TMEM63C: variants seen among roughly 807,000 people sequenced by gnomAD.
The protein encoded by TMEM63C is transmembrane protein 63C.
In TMEM63C, 32 loss-of-function variants were observed where a neutral mutation model predicts 99.2. The ratio of observed to expected loss-of-function variants is 0.32; its 90% CI spans 0.24 to 0.43. The LOEUF is 0.43. Among genes scored for constraint, TMEM63C ranks in the 20% least tolerant of loss-of-function variants. The pLI, the probability that TMEM63C is intolerant of heterozygous loss-of-function variation, is 1.00. For missense variants in TMEM63C, 826 were observed against 1,053.0 expected (o/e 0.78, Z 2.98); for synonymous variants, 376 against 397.9 (o/e 0.94, Z 0.66).
chr14:77,239,406 C>A lies in TMEM63C; in HGVS notation c.726-6C>A, dbSNP rs767879061. On this transcript the variant is annotated splice_region_variant and splice_polypyrimidine_tract_variant and intron_variant, in intron 10 of 23. Coordinates refer to ENST00000298351, the MANE Select transcript of TMEM63C (RefSeq NM_020431.4). ...GCCGACTCAGCACCCATGTTTGTGG[C>A]TGCAGCGAGGCCTATCCAGGCAGTG... 5.8e-5 allele frequency: 93 copies of A among 1,613,320 alleles called. No homozygotes were observed. Among genetic ancestry groups the A allele is most frequent in the Non-Finnish European group, 7.5e-5 (89 of 1,179,732 alleles).
rs745738879 is a variant in TMEM63C, at chr14:77,248,398, G to A, written c.1653G>A (p.Thr551=). The change falls in exon 19 of 24, where the codon ACG becomes ACA. Residue 551 remains threonine, a synonymous_variant. Transcript: ENST00000298351. ...CCTTCTTTGTCAACTACGTGATCACGGCAGCTTTACTTGGCACAGGCATGG... is the reference window on the plus strand; with the variant it reads ...CCTTCTTTGTCAACTACGTGATCACAGCAGCTTTACTTGGCACAGGCATGG... ...NGAFFVNYVI[T]AALLGTGMEL... is the part of the protein sequence containing the mutation. 23 of 1,608,536 alleles carry A rather than the reference G, an allele frequency of 1.4e-5. No homozygotes were observed. Among genetic ancestry groups the A allele is most frequent in the Admixed American group, 1.7e-5 (1 of 59,296 alleles).
At chr14:77,215,288 A>G (rs896311845) in intron 2 of TMEM63C, among the ~76,000 whole-genome samples, 1 of 151,950 alleles carries the variant, frequency 6.6e-6, no homozygotes, top group African/African-American at 2.4e-5. Context: ...CTGAGACCTC[A>G]TTCCTTCTTT....
intron 6 of TMEM63C, among the ~76,000 whole-genome samples, chr14:77,229,069 C>T (rs1345139423): frequency 6.6e-6 from 1 of 152,106 alleles, no homozygotes; most frequent in African/African-American, 2.4e-5. Context: ...GCATCAAATG[C>T]TTTTTATAAC....
At chr14:77,251,965 C>G in intron 22 of TMEM63C, 67 bp downstream of exon 22, 1 of 1,304,746 alleles carries the variant, frequency 7.7e-7, no homozygotes, top group Non-Finnish European at 1.1e-6. Flanking sequence ...GTAGGATACT[C>G]TCCAGGTCTG....
intron 1 of TMEM63C, among the ~76,000 whole-genome samples, chr14:77,209,012 A>G (rs207803): frequency 1 from 151,836 of 152,130 alleles, 75,772 homozygotes; most frequent in East Asian, 1. Context: ...GAGTGACTGC[A>G]GCGGAGGGAC....
At chr14:77,188,638 T>A (rs999117165) in intron 1 of TMEM63C, among the ~76,000 whole-genome samples, 3 of 152,042 alleles carry the variant, frequency 2.0e-5, no homozygotes, top group Non-Finnish European at 4.4e-5. Flanking sequence ...GAGGCCCAGG[T>A]GGGAGGATTG....
chr14:77,187,672 C>G (rs947988940), intron 1 of TMEM63C, among the ~76,000 whole-genome samples: 1 of 152,220 alleles, frequency 6.6e-6, no homozygotes, highest in African/African-American at 2.4e-5. Flanking sequence ...TCCTGTGTGG[C>G]TGGGGAGAGA....
intron 8 of TMEM63C, 129 bp from the exon 9 acceptor site, chr14:77,236,495 T>A (rs1411267416): frequency 3.4e-6 from 2 of 588,554 alleles, no homozygotes; most frequent in Non-Finnish European, 6.0e-6. Flanking sequence ...GTTGTGGGGG[T>A]CTGAGGAGAC....
chr14:77,209,348 G>C (rs975249093), intron 1 of TMEM63C, among the ~76,000 whole-genome samples: 6 of 152,130 alleles, frequency 3.9e-5, no homozygotes, highest in African/African-American at 1.4e-4. Flanking sequence ...GCAAAAATTT[G>C]GGATTCATGT....
chr14:77,227,983 T>C (rs1280351522), intron 6 of TMEM63C, among the ~76,000 whole-genome samples: 2 of 152,030 alleles, frequency 1.3e-5, no homozygotes, highest in African/African-American at 4.8e-5. Flanking sequence ...CAACAAGCAC[T>C]TGAGCCTGGT....
chr14:77,191,842 C>G (rs1888116847), intron 1 of TMEM63C, among the ~76,000 whole-genome samples: 1 of 152,198 alleles, frequency 6.6e-6, no homozygotes, highest in African/African-American at 2.4e-5. Flanking sequence ...CCAAGCCTGG[C>G]CTAGTTCTCC....
chr14:77,223,054 G>A (rs373270019), intron 5 of TMEM63C, among the ~76,000 whole-genome samples: 3 of 152,228 alleles, frequency 2.0e-5, no homozygotes, highest in African/African-American at 7.2e-5. Flanking sequence ...GAGAGGCGGG[G>A]TCCTTCACTT....
At chr14:77,225,997 T>C (rs406211) in intron 6 of TMEM63C, among the ~76,000 whole-genome samples, 26,928 of 152,064 alleles carry the variant, frequency 0.18, 2,630 homozygotes, top group Non-Finnish European at 0.22. Context: ...TCCTGCAAGC[T>C]GACCTCAAGT....
intron 1 of TMEM63C, among the ~76,000 whole-genome samples, chr14:77,190,044 G>A (rs577936015): frequency 6.7e-4 from 102 of 152,216 alleles, no homozygotes; most frequent in African/African-American, 2.3e-3. Context: ...GTTAGGAGAG[G>A]ATTAGAGGCA....
At chr14:77,234,007 T>C (rs774527199) in intron 8 of TMEM63C, among the ~76,000 whole-genome samples, 18 of 152,172 alleles carry the variant, frequency 1.2e-4, no homozygotes, top group African/African-American at 3.9e-4. Context: ...ATGTCCATCA[T>C]TGGGGAAGAG....
intron 6 of TMEM63C, among the ~76,000 whole-genome samples, chr14:77,230,833 A>G (rs1344522252): frequency 2.0e-5 from 3 of 152,202 alleles, no homozygotes; most frequent in Non-Finnish European, 4.4e-5. Context: ...CATGATTTAT[A>G]TATCACAGTT....
At chr14:77,236,568 GTGGGCTC>G in intron 8 of TMEM63C, 49 bp from the exon 9 acceptor site, 2 of 1,293,324 alleles carry the variant, frequency 1.5e-6, no homozygotes, top group Non-Finnish European at 1.1e-6. Context: ...TCTCTGTGCA[GTGGGCTC>G]TGGGGAGCTC....
chr14:77,242,423 T>C lies in TMEM63C; in HGVS notation c.1141T>C (p.Tyr381His). ...QSSVTTIVKS[Y>H]YWRVTMAPHP... ...CTCAGTGACCACCATCGTCAAATCA[T>C]ATTACTGGAGGGTCACTATGGCCCC... The change falls in exon 14 of 24, where the codon TAT becomes CAT. Residue 381 changes from tyrosine to histidine, a missense_variant. Transcript: ENST00000298351. 6.2e-7 allele frequency: 1 copy of C among 1,613,450 alleles called. No homozygotes were observed. Among genetic ancestry groups the C allele is most frequent in the South Asian group, 1.1e-5 (1 of 91,072 alleles).
rs1408609681 is a variant in TMEM63C, at chr14:77,231,702, G to T, written c.465G>T (p.Leu155Phe). ...IICIPSLGII[L>F]PINYTGSVLD... The stretch of plus-strand genomic sequence containing the variant: ...GTATCCCCTCCCTGGGCATCATTTT[G>T]CCCATCAACTATACTGGATCTGTTC... Residue 155 changes from leucine (L) to phenylalanine (F), a missense_variant, in exon 7 of 24, where the codon TTG becomes TTT. Physicochemically the swap from Leu to Phe is conservative, Grantham distance 22 (BLOSUM62 0). Coordinates refer to ENST00000298351, the MANE Select transcript of TMEM63C (RefSeq NM_020431.4). 2 of 1,551,614 alleles carry T rather than the reference G, an allele frequency of 1.3e-6. No homozygotes were observed. The highest frequency in any genetic ancestry group is 1.2e-5 in the South Asian group (1 of 84,056).
Sources: gnomAD v4.1 joint callset for allele counts (sites outside exome capture counted in the v4.1 genomes callset) on GRCh38, gnomAD v4.1.1 for gene constraint, MANE v1.5 for transcripts, NCBI Gene and HGNC (gene_info 2026-07-23, HGNC 2026-07-21) for gene names.